The following CUBN variants were observed in gnomAD, a reference collection of about 807,000 sequenced individuals.
CUBN encodes 460 kDa receptor.
CUBN carries 282 observed loss-of-function variants against 405.3 expected under a neutral mutation model. The observed-to-expected ratio is 0.70, with a 90% CI of 0.63 to 0.77. The LOEUF (loss-of-function observed/expected upper bound fraction) is 0.77. Ranked by LOEUF, CUBN falls within the 30% of genes least tolerant of loss-of-function variation. The pLI is 0.00. For missense variants in CUBN, 4,514 were observed against 4,475.2 expected (o/e 1.01, Z -0.25); for synonymous variants, 1,684 against 1,617.0 (o/e 1.04, Z -0.99).
chr10:16,831,861 T>TGC (rs1839008358), intron 64 of CUBN, among the ~76,000 whole-genome samples: 1 of 152,190 alleles, frequency 6.6e-6, no homozygotes, highest in Non-Finnish European at 1.5e-5. Context: ...TGTGTGTGTG[T>TGC]GCACGTGTTT....
intron 19 of CUBN, among the ~76,000 whole-genome samples, chr10:17,070,148 T>A (rs1171816336): frequency 6.6e-6 from 1 of 152,242 alleles, no homozygotes; most frequent in Non-Finnish European, 1.5e-5. Context: ...TGATATGTTT[T>A]GGCATCATTT....
At chr10:16,976,393 C>G (rs1361712082) in intron 31 of CUBN, among the ~76,000 whole-genome samples, 1 of 152,108 alleles carries the variant, frequency 6.6e-6, no homozygotes, top group East Asian at 1.9e-4. Context: ...TACTTCCAAT[C>G]CTGGTTGAAA....
chr10:16,876,746 G>C, intron 57 of CUBN, 151 bp downstream of exon 57: 1 of 727,202 alleles, frequency 1.4e-6, no homozygotes, highest in South Asian at 1.6e-5. Flanking sequence ...ATGTGTATAT[G>C]TATTTTTTAA....
At chr10:17,065,474 C>A (rs1431389445) in intron 22 of CUBN, 34 bp downstream of exon 22, 2 of 1,611,240 alleles carry the variant, frequency 1.2e-6, no homozygotes, top group South Asian at 1.1e-5. Flanking sequence ...GCAATGGAGT[C>A]AATAAAACCG....
chr10:16,942,580 A>C (rs981961516), intron 36 of CUBN, among the ~76,000 whole-genome samples: 1 of 152,184 alleles, frequency 6.6e-6, no homozygotes, highest in Admixed American at 6.6e-5. Context: ...AGAAAATAAG[A>C]AGTGCTGATG....
chr10:16,991,636 T>G (rs565347363), intron 28 of CUBN, among the ~76,000 whole-genome samples: 3 of 151,742 alleles, frequency 2.0e-5, no homozygotes, highest in African/African-American at 4.8e-5. Context: ...TTTCTGTTTT[T>G]TTTTTTTTTT....
At chr10:16,831,669 C>T (rs998493837) in intron 64 of CUBN, among the ~76,000 whole-genome samples, 2 of 152,200 alleles carry the variant, frequency 1.3e-5, no homozygotes, top group Admixed American at 6.5e-5. Context: ...GCAATTAAAA[C>T]ACCAGGCAGC....
chr10:16,838,047 C>T (rs1188166490), intron 62 of CUBN, among the ~76,000 whole-genome samples: 1 of 152,146 alleles, frequency 6.6e-6, no homozygotes, highest in Non-Finnish European at 1.5e-5. Flanking sequence ...TCTAGGGTAC[C>T]AATGGGTAAT....
chr10:17,045,851 T>A, intron 24 of CUBN, 83 bp downstream of exon 24: 1 of 1,393,078 alleles, frequency 7.2e-7, no homozygotes. Context: ...CATGGACAAG[T>A]GAGGGACAGA....
intron 10 of CUBN, among the ~76,000 whole-genome samples, chr10:17,107,056 T>C (rs779566506): frequency 3.9e-4 from 59 of 152,148 alleles, no homozygotes; most frequent in Non-Finnish European, 7.2e-4. Flanking sequence ...GGAAGGAACT[T>C]GGTCAAAAGG....
chr10:16,838,593 T>A (rs1355695071), intron 62 of CUBN, among the ~76,000 whole-genome samples: 1 of 152,260 alleles, frequency 6.6e-6, no homozygotes, highest in Non-Finnish European at 1.5e-5. Context: ...CTCCTCAACA[T>A]CTTATTCCAG....
In CUBN at chr10:16,865,482, G is replaced by A. The variant is rs181070987; in HGVS notation, c.9454+4154C>T. ...TGTGTGCTCTGGGCAACAGGGGCTG[G>A]CTGGGAGCTTTGAGTCCAGGTGAGA... On this transcript the variant is annotated intron_variant, in intron 59 of 66. Transcript: ENST00000377833. 2.7e-3 allele frequency among the ~76,000 whole-genome samples: 408 copies of A among 152,256 alleles called. 1 individual carries two copies. The highest frequency in any genetic ancestry group is 4.6e-3 in the Non-Finnish European group (310 of 68,016).
At position 16,835,050 on chromosome 10, in the gene CUBN, G is replaced by A. The variant is rs1184539373; in HGVS notation, c.10326C>T (p.Ile3442=). The change falls in exon 64 of 67, where the codon ATC becomes ATT. Residue 3442 remains isoleucine, a synonymous_variant. Transcript: ENST00000377833. ...CGTTTCTGCATTCAACTGAGTTCTC[G>A]ATGCCAAGTGAATGAAAAAAGAGGG... ...TISLFFHSLG[I]ENSVECRNDF... The A allele has an allele frequency of 4.3e-6, 7 of 1,613,930 alleles. No individual in the cohort carries two copies. The highest frequency in any genetic ancestry group is 2.2e-5 in the East Asian group (1 of 44,880).
At chr10:16,894,840 C>T (rs974875575) in intron 54 of CUBN, among the ~76,000 whole-genome samples, 5 of 152,118 alleles carry the variant, frequency 3.3e-5, no homozygotes, top group Admixed American at 3.3e-4. Context: ...ATAATTGTCT[C>T]TTTCATTTAG....
intron 27 of CUBN, among the ~76,000 whole-genome samples, chr10:17,040,151 A>G (rs1834985627): frequency 6.6e-6 from 1 of 152,124 alleles, no homozygotes; most frequent in Non-Finnish European, 1.5e-5. Flanking sequence ...ATCACTGACC[A>G]CCTTAAAAAC....
At chr10:17,006,892 A>G (rs542113801) in intron 28 of CUBN, among the ~76,000 whole-genome samples, 1 of 152,308 alleles carries the variant, frequency 6.6e-6, no homozygotes, top group East Asian at 1.9e-4. Context: ...CTTCCCAAAG[A>G]AAAGGCCACT....
chr10:17,019,923 T>A lies in CUBN; in HGVS notation c.4078A>T (p.Ser1360Cys), dbSNP rs1323026712. The change falls in exon 28 of 67, where the codon AGT (serine) becomes TGT (cysteine). Residue 1360 changes from serine to cysteine, a missense_variant. Coordinates refer to ENST00000377833, the MANE Select transcript of CUBN (RefSeq NM_001081.4). ...ACTTGAAGCTTGGAGCTTGTAGTAC[T>A]CCCTGGAGGGGGCAGGTCTACTCCA... ...YCGVDLPPPG[S>C]TTSSKLQVLL... 1.9e-6 allele frequency: 3 copies of A among 1,614,146 alleles called. No individual in the cohort carries two copies. The highest frequency in any genetic ancestry group is 2.5e-6 in the Non-Finnish European group (3 of 1,179,996).
At chr10:17,077,267 C>T (rs1320026263) in intron 17 of CUBN, among the ~76,000 whole-genome samples, 1 of 152,096 alleles carries the variant, frequency 6.6e-6, no homozygotes, top group Non-Finnish European at 1.5e-5. Context: ...TTTTTACATT[C>T]ATCAGATTAA....
chr10:17,065,795 C>T (rs915103856), intron 21 of CUBN, among the ~76,000 whole-genome samples, 157 bp from the exon 22 acceptor site: 1 of 152,082 alleles, frequency 6.6e-6, no homozygotes, highest in Non-Finnish European at 1.5e-5. Context: ...AAAAGATTTG[C>T]AAACTTACGA....
Sources: allele counts gnomAD v4.1 joint callset (sites outside exome capture counted in the v4.1 genomes callset), GRCh38; gene constraint gnomAD v4.1.1; transcripts MANE v1.5; gene names NCBI Gene and HGNC (gene_info 2026-07-23, HGNC 2026-07-21).